Variants in MEGF6 observed in about 807,000 individuals in gnomAD.
MEGF6 encodes multiple EGF like domains 6.
In MEGF6, 184 loss-of-function variants were observed where a neutral mutation model predicts 207.1. The observed-to-expected ratio is 0.89, with a 90% CI of 0.79 to 1.00. The LOEUF (loss-of-function observed/expected upper bound fraction) is 1.00, where lower values mean the gene tolerates loss of function less well. Among genes scored for constraint, MEGF6 ranks in the 50% least tolerant of loss-of-function variants. The probability of loss-of-function intolerance (pLI) is 0.00; values close to 1 mark genes in which losing one functional copy is unlikely to be tolerated. For missense variants in MEGF6, 2,282 were observed against 2,202.9 expected (o/e 1.04, Z -0.72); for synonymous variants, 1,038 against 910.0 (o/e 1.14, Z -2.53).
In MEGF6 at chr1:3,492,718, GCAGT is replaced by G; in HGVS notation, c.4433_4436del (p.Asp1478AlafsTer39). 6.2e-7 allele frequency: 1 copy of G among 1,612,590 alleles called. No individual in the cohort carries two copies. The highest frequency in any genetic ancestry group is 1.3e-5 in the African/African-American group (1 of 75,028). The stretch of plus-strand genomic sequence containing the variant: ...CAGGGTCGCAGTCAGCCCCACCCCC[GCAGT>G]CACAGTGCAGGGTGCAGCTGGGCCC... On this transcript the variant is annotated frameshift_variant, in exon 35 of 37. Coordinates refer to ENST00000356575, the MANE Select transcript of MEGF6 (RefSeq NM_001409.4). LOFTEE classifies it high-confidence loss of function.
At position 3,493,881 on chromosome 1, in the gene MEGF6, A is replaced by G; in HGVS notation, c.4277T>C (p.Phe1426Ser). 3 of 1,593,650 alleles carry G rather than the reference A, an allele frequency of 1.9e-6. No individual in the cohort carries two copies. The highest frequency in any genetic ancestry group is 2.6e-6 in the Non-Finnish European group (3 of 1,170,704). ...FCERGCEPGSFGEGCHQRCDC... is the reference protein window; with the variant it reads ...FCERGCEPGSSGEGCHQRCDC... ...ACAGCGCTGGTGGCAGCCCTCTCCA[A>G]ATGAACCTGGCTCACACCCTGGTGG... The change falls in exon 34 of 37, where the codon TTT becomes TCT. Residue 1426 changes from phenylalanine (F) to serine (S), a missense_variant. Coordinates refer to ENST00000356575, the MANE Select transcript of MEGF6 (RefSeq NM_001409.4).
At chr1:3,572,753 G>C (rs535229744) in intron 4 of MEGF6, among the ~76,000 whole-genome samples, 56 of 148,748 alleles carry the variant, frequency 3.8e-4, no homozygotes, top group African/African-American at 1.3e-3. Context: ...GGTCCTTCCT[G>C]TGTGTGCTGG....
chr1:3,512,796 C>T (rs1370753425), intron 7 of MEGF6, among the ~76,000 whole-genome samples: 5 of 152,308 alleles, frequency 3.3e-5, no homozygotes, highest in East Asian at 3.9e-4. Flanking sequence ...ATGTCTTTAT[C>T]GGCAGCGTGA....
rs1038185119 is a variant in MEGF6, at chr1:3,594,931, C to A, written c.376+407G>T. Among the ~76,000 whole-genome samples, 1 of 151,702 alleles carries A rather than the reference C, an allele frequency of 6.6e-6. No individual in the cohort carries two copies. Among genetic ancestry groups the A allele is most frequent in the Non-Finnish European group, 1.5e-5 (1 of 67,892 alleles). On this transcript the variant is annotated intron_variant, in intron 3 of 36. Coordinates refer to ENST00000356575, the MANE Select transcript of MEGF6 (RefSeq NM_001409.4). The surrounding 1 kb of genome is among the most constrained non-coding windows in gnomAD (Gnocchi z 4.2). ...GGCCCGGATTGGCCTTGGGAGAACA[C>A]GGTATAGGGAAACAGGGCAGGGAGA...
Position 3,579,431 on chromosome 1 carries a change from G to A in MEGF6, c.481+394C>T, listed in dbSNP as rs551337583. On this transcript the variant is annotated intron_variant, in intron 4 of 36. Transcript: ENST00000356575. ...ACCAGTCGCCTTGGCTAAGACCCCC[G>A]GGTGTCCCCCATCTTTTAACACTGA... Among the ~76,000 whole-genome samples, 13 of 152,298 alleles carry A rather than the reference G, an allele frequency of 8.5e-5. No homozygotes were observed. In the South Asian group the frequency reaches 1.5e-3, roughly 17 times the overall value.
intron 4 of MEGF6, among the ~76,000 whole-genome samples, chr1:3,527,677 T>A (rs1269955286): frequency 6.6e-6 from 1 of 151,634 alleles, no homozygotes; most frequent in African/African-American, 2.4e-5. Flanking sequence ...CCAATGAGAG[T>A]CAGCTGGGGG....
chr1:3,519,528 C>T (rs1211087297), intron 5 of MEGF6, among the ~76,000 whole-genome samples: 1 of 152,254 alleles, frequency 6.6e-6, no homozygotes, highest in Non-Finnish European at 1.5e-5. Context: ...GAGGCCCCGA[C>T]CCAGGGCTGC....
chr1:3,528,638 C>A (rs916467333), intron 4 of MEGF6, among the ~76,000 whole-genome samples: 1 of 151,826 alleles, frequency 6.6e-6, no homozygotes, highest in East Asian at 1.9e-4. Context: ...GGTCAGAGGG[C>A]GGGGAGGAGG....
chr1:3,532,653 C>G (rs187349793), intron 4 of MEGF6, among the ~76,000 whole-genome samples: 73 of 152,318 alleles, frequency 4.8e-4, no homozygotes, highest in Non-Finnish European at 9.0e-4. Context: ...GCGGTGGGCA[C>G]AAAGCCACAT....
chr1:3,514,679 C>T lies in MEGF6; in HGVS notation c.731-7G>A. On this transcript the variant is annotated splice_region_variant and splice_polypyrimidine_tract_variant and intron_variant, in intron 6 of 36. Transcript: ENST00000356575. The stretch of plus-strand genomic sequence containing the variant: ...TTGGCACACGGGCTTCTACCTGCAG[C>T]CACGGGCCCGAGGAGGGGGTTGGGG... 6.4e-7 allele frequency: 1 copy of T among 1,569,402 alleles called. No homozygotes were observed. The highest frequency in any genetic ancestry group is 8.6e-7 in the Non-Finnish European group (1 of 1,159,568).
intron 17 of MEGF6, 80 bp downstream of exon 17, chr1:3,505,128 C>T: frequency 3.2e-6 from 5 of 1,556,742 alleles, no homozygotes; most frequent in Non-Finnish European, 3.5e-6. Context: ...TGCAGCCCTT[C>T]TGAAGCCTAC....
Position 3,501,069 on chromosome 1 carries a change from G to A in MEGF6, c.2472C>T (p.Pro824=), listed in dbSNP as rs1175257003. The change falls in exon 20 of 37, where the codon CCC becomes CCT. Residue 824 remains proline (P), a synonymous_variant. Coordinates refer to ENST00000356575, the MANE Select transcript of MEGF6 (RefSeq NM_001409.4). ...CACAAGAGCACCTTGTCTGGCAGCT[G>A]GGACCATACCAGCCTGCTGGGCACA... The part of the protein sequence containing the change: ...QDVCPAGWYG[P]SCQTRCSCAN... 1.9e-6 allele frequency: 3 copies of A among 1,612,776 alleles called. No homozygotes were observed. The highest frequency in any genetic ancestry group is 2.5e-6 in the Non-Finnish European group (3 of 1,179,938).
At chr1:3,531,286 C>G (rs1203009402) in intron 4 of MEGF6, 1 of 1,298,456 alleles carries the variant, frequency 7.7e-7, no homozygotes, top group Non-Finnish European at 9.7e-7. Context: ...GAGGACCAAC[C>G]GCGCTGCGCC....
At chr1:3,619,214 C>T in the MEGF6 span, among the ~76,000 whole-genome samples, 1 of 152,224 alleles carries the variant, frequency 6.6e-6, no homozygotes, top group Non-Finnish European at 1.5e-5. Context: ...ATGGAAATAG[C>T]TCCTTCAAAG....
Position 3,494,582 on chromosome 1 carries a change from T to C in MEGF6, c.4000+31A>G, listed in dbSNP as rs1263130533. On this transcript the variant is annotated intron_variant, in intron 31 of 36. Transcript: ENST00000356575. ...AGCCCAGGGCACCTCCCTGAGGGGA[T>C]GCTGGGGTCCCGCTGGCCCCGCACA... 10 of 1,560,098 alleles carry C rather than the reference T, an allele frequency of 6.4e-6. No individual in the cohort carries two copies. The Admixed American group carries it at 1.3e-4, about 21-fold the overall frequency.
intron 18 of MEGF6, 144 bp downstream of exon 18, chr1:3,501,652 C>G: frequency 8.1e-7 from 1 of 1,242,224 alleles, no homozygotes; most frequent in Non-Finnish European, 1.1e-6. Context: ...CCCTCCCTAC[C>G]CCAGGGGAGT....
chr1:3,580,642 G>A (rs1643773802), intron 3 of MEGF6, among the ~76,000 whole-genome samples: 1 of 151,868 alleles, frequency 6.6e-6, no homozygotes, highest in Non-Finnish European at 1.5e-5. Flanking sequence ...TCCACAGCAG[G>A]TGCCCCCCAG....
Position 3,493,826 on chromosome 1 carries a change from A to C in MEGF6, c.4332T>G (p.Pro1444=), listed in dbSNP as rs1317674678. The change falls in exon 34 of 37, where the codon CCT becomes CCG. Residue 1444 remains proline (P), a synonymous_variant. Transcript: ENST00000356575. The part of the protein sequence containing the change: ...CDCDGGAPCD[P]VTGLCLCPPG... ...GTGGGCAAAGGCAGAGACCGGTGAC[A>C]GGGTCACAGGGTGCCCCCCCGTCAC... 1 of 1,607,670 alleles carries C rather than the reference A, an allele frequency of 6.2e-7. No individual in the cohort carries two copies. Among genetic ancestry groups the C allele is most frequent in the African/African-American group, 1.3e-5 (1 of 74,772 alleles).
Position 3,501,110 on chromosome 1 carries a change from A to G in MEGF6, c.2447-16T>C. On this transcript the variant is annotated splice_polypyrimidine_tract_variant and intron_variant, in intron 19 of 36. Transcript: ENST00000356575. ...GCTGGGCACACTACAGGCAGGCGAG[A>G]GAGGGTGAGTGGGGCCTGGCCACCT... The G allele has an allele frequency of 6.2e-7, 1 of 1,612,640 alleles. No homozygotes were observed. The highest frequency in any genetic ancestry group is 8.5e-7 in the Non-Finnish European group (1 of 1,179,886).
Sources: allele counts gnomAD v4.1 joint callset (sites outside exome capture counted in the v4.1 genomes callset), GRCh38; gene constraint gnomAD v4.1.1; non-coding constraint Gnocchi (gnomAD v3.1); transcripts MANE v1.5; gene names NCBI Gene and HGNC (gene_info 2026-07-23, HGNC 2026-07-21).